The following CLVS1 variants were observed in gnomAD, a reference collection of about 807,000 sequenced individuals.
CLVS1 encodes the protein clavesin-1.
CLVS1 carries 10 observed loss-of-function variants against 33.1 expected under a neutral mutation model. The ratio of observed to expected loss-of-function variants is 0.30; its 90% CI spans 0.19 to 0.51. The LOEUF (loss-of-function observed/expected upper bound fraction) is 0.51, where lower values mean the gene tolerates loss of function less well. Among genes scored for constraint, CLVS1 ranks in the 20% least tolerant of loss-of-function variants. CLVS1 has a pLI of 0.97. For missense variants in CLVS1, 343 were observed against 433.4 expected (o/e 0.79, Z 1.85); for synonymous variants, 163 against 166.1 (o/e 0.98, Z 0.14).
chr8:61,149,569 C>CAAAAAAAA (rs1212944878), intron 2 of CLVS1, among the ~76,000 whole-genome samples: 4 of 120,272 alleles, frequency 3.3e-5, no homozygotes, highest in Admixed American at 9.0e-5. Context: ...AAAAAAAAAA[C>CAAAAAAAA]AAAAAACAAA....
At chr8:61,304,164 C>G (rs533566576) in intron 2 of CLVS1, among the ~76,000 whole-genome samples, 14 of 152,358 alleles carry the variant, frequency 9.2e-5, no homozygotes, top group African/African-American at 3.4e-4. Context: ...ATTTGAATAT[C>G]TCATGTGAAG....
intron 2 of CLVS1, among the ~76,000 whole-genome samples, chr8:61,340,150 A>T (rs927271716): frequency 2.0e-5 from 3 of 152,234 alleles, no homozygotes; most frequent in African/African-American, 7.2e-5. Flanking sequence ...CCAGAAAGTT[A>T]GGAGAGGAGA....
chr8:61,410,587 A>G (rs1301828131), intron 3 of CLVS1, among the ~76,000 whole-genome samples: 1 of 151,838 alleles, frequency 6.6e-6, no homozygotes, highest in East Asian at 1.9e-4. Context: ...TTCTCTGCAT[A>G]CCCGCCCCAC....
chr8:61,018,134 C>T, the CLVS1 span, among the ~76,000 whole-genome samples: 7 of 152,128 alleles, frequency 4.6e-5, no homozygotes, highest in African/African-American at 2.4e-5. Context: ...AATTTTCTAA[C>T]GTATGCATTA....
chr8:61,371,331 A>G (rs1401473956), intron 2 of CLVS1, among the ~76,000 whole-genome samples: 1 of 151,940 alleles, frequency 6.6e-6, no homozygotes, highest in African/African-American at 2.4e-5. Flanking sequence ...CCACATTTTG[A>G]TGGAATTATT....
At chr8:61,063,563 C>G (rs1302393902) in intron 1 of CLVS1, among the ~76,000 whole-genome samples, 1 of 152,078 alleles carries the variant, frequency 6.6e-6, no homozygotes, top group African/African-American at 2.4e-5. Flanking sequence ...GAGAATACGG[C>G]AGGACCCAGT....
At chr8:61,385,503 G>A (rs1401289971) in intron 3 of CLVS1, among the ~76,000 whole-genome samples, 1 of 152,074 alleles carries the variant, frequency 6.6e-6, no homozygotes, top group African/African-American at 2.4e-5. Context: ...CACACTCTCT[G>A]GTGATTAAAC....
At chr8:61,381,568 T>G (rs1329533905) in intron 3 of CLVS1, among the ~76,000 whole-genome samples, 2 of 152,196 alleles carry the variant, frequency 1.3e-5, no homozygotes, top group African/African-American at 4.8e-5. Flanking sequence ...ATAGGTAGTT[T>G]TTTGTTCCTC....
intron 2 of CLVS1, among the ~76,000 whole-genome samples, chr8:61,341,674 G>C (rs1812034267): frequency 6.6e-6 from 1 of 152,178 alleles, no homozygotes; most frequent in African/African-American, 2.4e-5. Context: ...CCCTGGGGTT[G>C]AGGATTTTGT....
intron 2 of CLVS1, among the ~76,000 whole-genome samples, chr8:61,237,079 G>A (rs986001938): frequency 1.3e-5 from 2 of 152,162 alleles, no homozygotes; most frequent in Admixed American, 6.5e-5. Flanking sequence ...ATATAACCAG[G>A]GGAGGATGAT....
At chr8:61,052,731 G>A (rs1246194955), upstream of CLVS1, among the ~76,000 whole-genome samples, 1 of 152,186 alleles carries the variant, frequency 6.6e-6, no homozygotes, top group African/African-American at 2.4e-5. Context: ...GTGGCGTGGG[G>A]CTCTGAGGGC....
chr8:61,452,783 A>G (rs981602022), intron 3 of CLVS1, among the ~76,000 whole-genome samples: 3 of 152,248 alleles, frequency 2.0e-5, no homozygotes, highest in East Asian at 1.9e-4. Context: ...TTTAGCCTTC[A>G]AAATATTTAG....
chr8:60,990,219 G>A, the CLVS1 span, among the ~76,000 whole-genome samples: 7 of 151,636 alleles, frequency 4.6e-5, no homozygotes, highest in Middle Eastern at 3.4e-3. Context: ...AGGTATCATC[G>A]GTGGATTTGT....
At chr8:61,332,042 G>A (rs114644624) in intron 2 of CLVS1, among the ~76,000 whole-genome samples, 5 of 152,314 alleles carry the variant, frequency 3.3e-5, no homozygotes, top group East Asian at 3.9e-4. Context: ...AGGGCAGCAC[G>A]CTAGCTTTGC....
rs1813658421 is a variant in CLVS1 at position 61,376,710 on chromosome 8, T to C, written c.561T>C (p.Ser187=). The change falls in exon 3 of 6, where the codon AGT becomes AGC. Residue 187 remains serine (S), a synonymous_variant. Transcript: ENST00000325897. ...INGFILIIDW[S]NFSFKQASKL... is the part of the protein sequence containing the mutation. Reference sequence around the variant, plus strand: ...GCTTCATTTTAATTATAGACTGGAGTAATTTTTCCTTCAAACAAGCCTCCA... The same window carrying C: ...GCTTCATTTTAATTATAGACTGGAGCAATTTTTCCTTCAAACAAGCCTCCA... 1 of 1,614,064 alleles carries C rather than the reference T, an allele frequency of 6.2e-7. No homozygotes were observed. The highest frequency in any genetic ancestry group is 1.1e-5 in the South Asian group (1 of 91,078).
chr8:61,269,584 T>A (rs1316355841), intron 2 of CLVS1, among the ~76,000 whole-genome samples: 4 of 151,224 alleles, frequency 2.6e-5, no homozygotes, highest in African/African-American at 9.8e-5. Flanking sequence ...GGGGATGGCA[T>A]TGAATCTGTA....
upstream of CLVS1, among the ~76,000 whole-genome samples, chr8:61,285,652 G>T (rs1191127404): frequency 1.3e-5 from 2 of 152,172 alleles, no homozygotes; most frequent in Non-Finnish European, 2.9e-5. Context: ...TTAATGTTGG[G>T]TTTGCTGTGA....
chr8:61,357,993 T>C (rs1209068283), intron 2 of CLVS1, among the ~76,000 whole-genome samples: 1 of 152,224 alleles, frequency 6.6e-6, no homozygotes, highest in African/African-American at 2.4e-5. Flanking sequence ...TTATTAGCTG[T>C]GTCCTCTCAG....
At chr8:61,425,867 C>G (rs1176926964) in intron 3 of CLVS1, among the ~76,000 whole-genome samples, 1 of 152,178 alleles carries the variant, frequency 6.6e-6, no homozygotes, top group Non-Finnish European at 1.5e-5. Context: ...ACTACAGGGA[C>G]TATGTCTCAT....
Sources: gnomAD v4.1 joint callset for allele counts (sites outside exome capture counted in the v4.1 genomes callset) on GRCh38, gnomAD v4.1.1 for gene constraint, MANE v1.5 for transcripts, NCBI Gene and HGNC (gene_info 2026-07-23, HGNC 2026-07-21) for gene names.